The following TPO variants were observed in gnomAD, a reference collection of about 807,000 sequenced individuals.
TPO encodes thyroid microsomal antigen.
A neutral mutation model predicts 96.9 loss-of-function variants in TPO; 78 were observed. That is an observed-to-expected ratio of 0.81 (90% confidence interval 0.67 to 0.97). TPO has a LOEUF of 0.97. TPO is among the 50% of genes least tolerant of loss of function. The pLI is 0.00. For missense variants in TPO, 1,252 were observed against 1,274.8 expected (o/e 0.98, Z 0.27); for synonymous variants, 547 against 538.0 (o/e 1.02, Z -0.23).
chr2:1,454,767 A>G (rs963952296), intron 6 of TPO, among the ~76,000 whole-genome samples: 1 of 152,344 alleles, frequency 6.6e-6, no homozygotes, highest in Non-Finnish European at 1.5e-5. Context: ...TTAAACTCTC[A>G]GTATTATGAG....
intron 5 of TPO, among the ~76,000 whole-genome samples, chr2:1,443,549 C>G: frequency 6.8e-6 from 1 of 148,028 alleles, no homozygotes; most frequent in Non-Finnish European, 1.5e-5. Flanking sequence ...CAGGAGGCAC[C>G]ATGTTGGAAG....
intron 7 of TPO, among the ~76,000 whole-genome samples, chr2:1,465,248 A>G (rs778526226): frequency 1.4e-4 from 22 of 152,198 alleles, no homozygotes; most frequent in Admixed American, 2.6e-4. Context: ...ATTCTATTCC[A>G]TTGGTCTATG....
At chr2:1,525,757 G>A (rs1222530461) in intron 15 of TPO, among the ~76,000 whole-genome samples, 5 of 138,270 alleles carry the variant, frequency 3.6e-5, no homozygotes, top group Non-Finnish European at 7.7e-5. Flanking sequence ...TCACCCCACT[G>A]TGGGCAACCA....
At chr2:1,399,784 C>T (rs868780254) in intron 1 of TPO, among the ~76,000 whole-genome samples, 1 of 152,234 alleles carries the variant, frequency 6.6e-6, no homozygotes, top group Non-Finnish European at 1.5e-5. Context: ...CTCTGAAGGA[C>T]ACCTGTCTTC....
chr2:1,495,859 G>A (rs556351499), intron 11 of TPO, 130 bp from the exon 12 acceptor site: 83 of 1,030,194 alleles, frequency 8.1e-5, no homozygotes, highest in African/African-American at 3.3e-4. Flanking sequence ...GTGTGGCCCC[G>A]GGTGCTGGGG....
chr2:1,374,500 C>G (rs564119050), intron 1 of TPO: 5 of 152,268 alleles, frequency 3.3e-5, no homozygotes, highest in Admixed American at 2.6e-4. Flanking sequence ...TAATGAGTTT[C>G]CCAGCTGTGT....
At position 1,514,914 on chromosome 2, in the gene TPO, G is replaced by A. The variant is rs560928747; in HGVS notation, c.2519-1969G>A. 2.0e-5 allele frequency among the ~76,000 whole-genome samples: 3 copies of A among 152,222 alleles called. No individual in the cohort carries two copies. The South Asian group carries it at 6.2e-4, about 32-fold the overall frequency. The stretch of plus-strand genomic sequence containing the variant: ...GGTCTGCCGTTTGCTGGTGTGAGGT[G>A]GGCTTCAATCAGATGCTCGCCACGG... On this transcript the variant is annotated intron_variant, in intron 14 of 16. Transcript: ENST00000329066.
At chr2:1,420,345 C>T (rs1289225578) in intron 2 of TPO, among the ~76,000 whole-genome samples, 1 of 152,154 alleles carries the variant, frequency 6.6e-6, no homozygotes, top group Non-Finnish European at 1.5e-5. Flanking sequence ...CAAGTGCCTG[C>T]TGAAAACCAG....
At chr2:1,455,396 G>A (rs1573256589) in intron 6 of TPO, among the ~76,000 whole-genome samples, 1 of 151,976 alleles carries the variant, frequency 6.6e-6, no homozygotes, top group Admixed American at 6.6e-5. Flanking sequence ...ATCCCATGAC[G>A]GCACCAACTC....
At chr2:1,467,185 C>A (rs1212409912) in intron 7 of TPO, among the ~76,000 whole-genome samples, 1 of 151,906 alleles carries the variant, frequency 6.6e-6, no homozygotes, top group African/African-American at 2.4e-5. Flanking sequence ...CTGATTGCAA[C>A]CTCTGCCTCC....
At chr2:1,491,440 C>T (rs1328748079) in intron 10 of TPO, among the ~76,000 whole-genome samples, 2 of 152,180 alleles carry the variant, frequency 1.3e-5, no homozygotes, top group Non-Finnish European at 2.9e-5. Context: ...ATTAAGATTT[C>T]CATCTCTCAC....
chr2:1,403,908 G>C (rs1251080097), intron 1 of TPO, among the ~76,000 whole-genome samples: 1 of 152,192 alleles, frequency 6.6e-6, no homozygotes, highest in Non-Finnish European at 1.5e-5. Flanking sequence ...TGCATGGTCA[G>C]GATGAGCACA....
At chr2:1,435,762 G>T (rs964970079) in intron 4 of TPO, among the ~76,000 whole-genome samples, 3 of 152,148 alleles carry the variant, frequency 2.0e-5, no homozygotes, top group African/African-American at 7.2e-5. Context: ...AAGGAAAAAC[G>T]AAAGGTTTTA....
intron 1 of TPO, 68 bp from the exon 2 acceptor site, chr2:1,414,340 G>A: frequency 6.8e-7 from 1 of 1,471,354 alleles, no homozygotes; most frequent in Non-Finnish European, 9.4e-7. Flanking sequence ...AGGGAGACAA[G>A]GACACAGCGG....
rs889725400 is a variant in TPO, at chr2:1,426,410, C to T, written c.179+3281C>T. 2.0e-5 allele frequency among the ~76,000 whole-genome samples: 3 copies of T among 152,134 alleles called. No individual in the cohort carries two copies. In the East Asian group the frequency reaches 5.8e-4, roughly 29 times the overall value. ...GCCGGGATACAGAGATGAGTTTGAT[C>T]ATTTCATATCCTCAGAAGTCCATGC... On this transcript the variant is annotated intron_variant, in intron 3 of 16. Transcript: ENST00000329066.
intron 2 of TPO, among the ~76,000 whole-genome samples, chr2:1,419,385 C>G (rs1663275995): frequency 6.6e-6 from 1 of 152,164 alleles, no homozygotes; most frequent in African/African-American, 2.4e-5. Context: ...GCAAGGGGCT[C>G]AGAGCTGGCC....
chr2:1,522,370 C>T (rs1404599018), intron 15 of TPO, among the ~76,000 whole-genome samples: 6 of 108,720 alleles, frequency 5.5e-5, no homozygotes, highest in East Asian at 2.9e-4. Flanking sequence ...CACACCGGCC[C>T]GCCACCGTGC....
chr2:1,389,332 C>A (rs1304838210), intron 1 of TPO, among the ~76,000 whole-genome samples: 1 of 152,152 alleles, frequency 6.6e-6, no homozygotes, highest in Non-Finnish European at 1.5e-5. Flanking sequence ...ATTCATTGAA[C>A]AAACAAATGT....
intron 16 of TPO, 38 bp downstream of exon 16, chr2:1,540,761 G>T: frequency 6.2e-7 from 1 of 1,613,170 alleles, no homozygotes; most frequent in Non-Finnish European, 8.5e-7. Context: ...AGCTGCCACC[G>T]CAGTGGTTGG....
Sources: allele counts gnomAD v4.1 joint callset (sites outside exome capture counted in the v4.1 genomes callset), GRCh38; gene constraint gnomAD v4.1.1; transcripts MANE v1.5; gene names NCBI Gene and HGNC (gene_info 2026-07-23, HGNC 2026-07-21).